Variants in ZNF559 observed in about 807,000 individuals in gnomAD.
The protein encoded by ZNF559 is zinc finger protein 559.
ZNF559 carries 17 observed loss-of-function variants against 14.2 expected under a neutral mutation model. The observed-to-expected ratio is 1.20, with a 90% CI of 0.82 to 1.80. The LOEUF (loss-of-function observed/expected upper bound fraction) is 1.80. Ranked by LOEUF, ZNF559 falls within the 40% of genes most tolerant of loss-of-function variation. ZNF559 has a pLI of 0.00. For missense variants in ZNF559, 740 were observed against 629.7 expected, an observed-to-expected ratio of 1.18 and a Z score of -1.88; for synonymous variants, 244 against 212.4, an observed-to-expected ratio of 1.15 and a Z score of -1.29.
intron 2 of ZNF559, among the ~76,000 whole-genome samples, chr19:9,333,282 T>G (rs1435820099): frequency 6.6e-6 from 1 of 152,170 alleles, no homozygotes; most frequent in African/African-American, 2.4e-5. Flanking sequence ...AAATAGATAT[T>G]TGTAGAGTTA....
intron 5 of ZNF559, among the ~76,000 whole-genome samples, chr19:9,340,818 G>T (rs923996278): frequency 1.4e-5 from 2 of 146,528 alleles, no homozygotes; most frequent in Non-Finnish European, 1.5e-5. Flanking sequence ...TGATCCACCT[G>T]TCTTGGCCTC....
At position 9,343,020 on chromosome 19, in the gene ZNF559, A is replaced by G. The variant is rs1190159869; in HGVS notation, c.1569A>G (p.Glu523=). Residue 523 remains glutamate (E), a synonymous_variant, in exon 7 of 7, where the codon GAA becomes GAG. Coordinates refer to ENST00000603380, the MANE Select transcript of ZNF559 (RefSeq NM_032497.3). ...RSHSVEKPYK[E]CGQTFSNSSC... ...ATAGTGTGGAGAAACCATATAAGGA[A>G]TGTGGGCAAACCTTTAGTAATTCCT... 1 of 1,614,016 alleles carries G rather than the reference A, an allele frequency of 6.2e-7. No homozygotes were observed. Among genetic ancestry groups the G allele is most frequent in the East Asian group, 2.2e-5 (1 of 44,888 alleles).
chr19:9,330,141 G>A (rs2066860759), intron 2 of ZNF559: 2 of 152,046 alleles, frequency 1.3e-5, no homozygotes, highest in African/African-American at 4.8e-5. Context: ...ATGACTTTTT[G>A]AATATTCCAT....
At chr19:9,334,385 A>T (rs553259171) in intron 2 of ZNF559, among the ~76,000 whole-genome samples, 1 of 152,224 alleles carries the variant, frequency 6.6e-6, no homozygotes, top group Non-Finnish European at 1.5e-5. Context: ...TTTTCAGATT[A>T]GAGATATTCA....
chr19:9,341,846 C>CT lies in ZNF559; in HGVS notation c.396dup (p.Ile133TyrfsTer9), dbSNP rs1349081684. The CT allele has an allele frequency of 5.0e-6, 8 of 1,609,758 alleles. No individual in the cohort carries two copies. Among genetic ancestry groups the CT allele is most frequent in the Non-Finnish European group, 6.8e-6 (8 of 1,179,006 alleles). On this transcript the variant is annotated frameshift_variant, in exon 7 of 7. Coordinates refer to ENST00000603380, the MANE Select transcript of ZNF559 (RefSeq NM_032497.3). LOFTEE classifies it low-confidence loss of function (END_TRUNC). Reference sequence around the variant, plus strand: ...TGTGAAAAAGCCTTCAGAAAACCCTCTATCTTTACTTTACACAAGAAAACT... The same window carrying CT: ...TGTGAAAAAGCCTTCAGAAAACCCTCTTATCTTTACTTTACACAAGAAAACT...
intron 4 of ZNF559, among the ~76,000 whole-genome samples, 200 bp from the exon 5 acceptor site, chr19:9,338,993 G>A (rs1324941234): frequency 1.3e-5 from 2 of 152,192 alleles, no homozygotes; most frequent in African/African-American, 2.4e-5. Flanking sequence ...TCAGTTAGGT[G>A]AAAGAGGTGC....
chr19:9,329,755 C>G (rs2066836561), intron 2 of ZNF559, among the ~76,000 whole-genome samples: 1 of 152,152 alleles, frequency 6.6e-6, no homozygotes, highest in Non-Finnish European at 1.5e-5. Context: ...CCTCCACCTC[C>G]CGGGTTCAAG....
rs1446494433 is a variant in ZNF559, at chr19:9,342,805, CT to C, written c.1356del (p.Ser453ValfsTer32). On this transcript the variant is annotated frameshift_variant, in exon 7 of 7. Coordinates refer to ENST00000603380, the MANE Select transcript of ZNF559 (RefSeq NM_032497.3). LOFTEE classifies it low-confidence loss of function (END_TRUNC). The part of the protein sequence containing the change: ...CGKAFRYSSH[L>X]SQHKRIHTGE... ...GAAAGCCTTTAGATACTCCTCGCAC[CT>C]TAGTCAACATAAAAGAATACATACA... is the stretch of plus-strand genomic sequence containing the variant. 1 of 1,614,034 alleles carries C rather than the reference CT, an allele frequency of 6.2e-7. No homozygotes were observed. Among genetic ancestry groups the C allele is most frequent in the Admixed American group, 1.7e-5 (1 of 60,002 alleles).
chr19:9,325,772 C>G (rs942615488), intron 2 of ZNF559, among the ~76,000 whole-genome samples: 1 of 127,922 alleles, frequency 7.8e-6, no homozygotes, highest in Non-Finnish European at 1.6e-5. Flanking sequence ...GGCAACAGTG[C>G]GAGACTCCGT....
chr19:9,325,713 G>C (rs1024405339), intron 2 of ZNF559, among the ~76,000 whole-genome samples: 1 of 151,916 alleles, frequency 6.6e-6, no homozygotes, highest in African/African-American at 2.4e-5. Context: ...TTGAACCTGG[G>C]AGGCAGAGGT....
chr19:9,336,645 A>C (rs2067257670), intron 2 of ZNF559, among the ~76,000 whole-genome samples: 1 of 152,172 alleles, frequency 6.6e-6, no homozygotes, highest in Admixed American at 6.5e-5. Flanking sequence ...TTAGCCCTTT[A>C]GAATGTGAGA....
At chr19:9,337,760 T>C (rs553538218) in intron 2 of ZNF559, 36 bp from the exon 3 acceptor site, 88 of 1,388,560 alleles carry the variant, frequency 6.3e-5, no homozygotes, top group Admixed American at 5.2e-4. Context: ...CATAATACTC[T>C]AGTGGCACTC....
Position 9,343,839 on chromosome 19 carries a change from G to A in ZNF559, c.*771G>A, listed in dbSNP as rs2067674677. 1 of 973,700 alleles carries A rather than the reference G, an allele frequency of 1.0e-6. No individual in the cohort carries two copies. Among genetic ancestry groups the A allele is most frequent in the Non-Finnish European group, 1.2e-6 (1 of 822,364 alleles). The allele number at this position is 973,700 out of a possible 1,614,324, so 60.3% of individuals were successfully genotyped here. ...TATCATTAATAAAAATATCTAGCTG[G>A]TCTGAAGATCCTGAGTTATCTCAAT... is the stretch of plus-strand genomic sequence containing the variant. On this transcript the variant is annotated 3_prime_UTR_variant, in exon 7 of 7. Coordinates refer to ENST00000603380, the MANE Select transcript of ZNF559 (RefSeq NM_032497.3).
In ZNF559 at chr19:9,342,323, G is replaced by C; in HGVS notation, c.872G>C (p.Arg291Thr). The change falls in exon 7 of 7, where the codon AGA becomes ACA. Residue 291 changes from arginine to threonine, a missense_variant. Coordinates refer to ENST00000603380, the MANE Select transcript of ZNF559 (RefSeq NM_032497.3). ...GATCTTGCTAAACATATAAGACTTAGAACTAGAGGAAAACACTATGTTTGT... is the reference window on the plus strand; with the variant it reads ...GATCTTGCTAAACATATAAGACTTACAACTAGAGGAAAACACTATGTTTGT... ...SPDLAKHIRL[R>T]TRGKHYVCNE... The C allele has an allele frequency of 1.2e-6, 2 of 1,601,018 alleles. No individual in the cohort carries two copies. The highest frequency in any genetic ancestry group is 1.7e-6 in the Non-Finnish European group (2 of 1,175,244).
upstream of ZNF559, chr19:9,323,989 C>T (rs562290985): frequency 1.8e-5 from 11 of 611,808 alleles, 1 homozygote; most frequent in South Asian, 2.1e-4. Flanking sequence ...GTTCAAAACG[C>T]CAGTAACCTG....
intron 3 of ZNF559, 33 bp from the exon 4 acceptor site, chr19:9,338,461 C>T (rs759419853): frequency 6.4e-7 from 1 of 1,555,152 alleles, no homozygotes; most frequent in Non-Finnish European, 8.8e-7. Context: ...TATCAGCAGC[C>T]TGGATTCTCA....
Position 9,343,671 on chromosome 19 carries a change from C to G in ZNF559, c.*603C>G. The G allele has an allele frequency of 4.1e-6, 4 of 987,630 alleles. No individual in the cohort carries two copies. Among genetic ancestry groups the G allele is most frequent in the Non-Finnish European group, 4.8e-6 (4 of 831,436 alleles). 61.2% of individuals were successfully genotyped at this position (987,630 alleles called of 1,614,324 possible). ...ATGTTGGAAAGCCCTTGAACTTGGT[C>G]GTTAGGAAACATCCACACTGAAGAG... On this transcript the variant is annotated 3_prime_UTR_variant, in exon 7 of 7. Transcript: ENST00000603380.
At position 9,343,396 on chromosome 19, in the gene ZNF559, T is replaced by A; in HGVS notation, c.*328T>A. 1 of 1,103,716 alleles carries A rather than the reference T, an allele frequency of 9.1e-7. No homozygotes were observed. The highest frequency in any genetic ancestry group is 1.1e-6 in the Non-Finnish European group (1 of 903,742). 68.4% of individuals were successfully genotyped at this position (1,103,716 alleles called of 1,614,324 possible). A position where few individuals can be genotyped will look rare whatever the true frequency, so the allele number is the denominator to read the frequency against. ...AGAAATGCTATGAATGTGAGGAAGG[T>A]GGAAAAGCTTTCATTATTTTCCTCG... On this transcript the variant is annotated 3_prime_UTR_variant, in exon 7 of 7. Transcript: ENST00000603380.
At chr19:9,333,382 G>GT (rs1368879038) in intron 2 of ZNF559, among the ~76,000 whole-genome samples, 1 of 152,118 alleles carries the variant, frequency 6.6e-6, no homozygotes, top group African/African-American at 2.4e-5. Flanking sequence ...ATTCCCTAGT[G>GT]TTTTTTCTTT....
Sources: allele counts gnomAD v4.1 joint callset (sites outside exome capture counted in the v4.1 genomes callset), GRCh38; gene constraint gnomAD v4.1.1; transcripts MANE v1.5; gene names NCBI Gene and HGNC (gene_info 2026-07-23, HGNC 2026-07-21).